The following ZNF8 variants were observed in gnomAD, a reference collection of about 807,000 sequenced individuals.
The protein encoded by ZNF8 is zinc finger protein 8.
Under a neutral mutation model 12.2 loss-of-function variants are expected in ZNF8, and 9 were observed. The observed-to-expected ratio is 0.73, with a 90% CI of 0.44 to 1.28. The LOEUF (loss-of-function observed/expected upper bound fraction) is 1.28. ZNF8 is among the 50% of genes most tolerant of loss of function. ZNF8 has a pLI of 0.00. For missense variants in ZNF8, 664 were observed against 729.1 expected, an observed-to-expected ratio of 0.91 and a Z score of 1.03; for synonymous variants, 274 against 282.3, an observed-to-expected ratio of 0.97 and a Z score of 0.30.
chr19:58,294,717 T>C lies in ZNF8; in HGVS notation c.909T>C (p.His303=), dbSNP rs260471. ...GCCAGAACTCCTCCCTCGTCCAGCATGAGCGCATCCACACTGGAGACAAGC... is the reference window on the plus strand; with the variant it reads ...GCCAGAACTCCTCCCTCGTCCAGCACGAGCGCATCCACACTGGAGACAAGC... The part of the protein sequence containing the change: ...AFSQNSSLVQ[H]ERIHTGDKPY... Residue 303 remains histidine (H), a synonymous_variant, in exon 4 of 4, where the codon CAT becomes CAC. Coordinates refer to ENST00000621650, the MANE Select transcript of ZNF8 (RefSeq NM_021089.3). The surrounding 1 kb of genome is among the most constrained non-coding windows in gnomAD (Gnocchi z 5.5). 467,970 of 1,613,836 alleles carry C rather than the reference T, an allele frequency of 0.29. 70,666 individuals are homozygous for C. The highest frequency in any genetic ancestry group is 0.49 in the East Asian group (21,815 of 44,854).
rs1203323724 is a variant in ZNF8 at position 58,294,328 on chromosome 19, A to C, written c.520A>C (p.Lys174Gln). 4 of 1,614,086 alleles carry C rather than the reference A, an allele frequency of 2.5e-6. No homozygotes were observed. The highest frequency in any genetic ancestry group is 3.4e-6 in the Non-Finnish European group (4 of 1,180,052). Residue 174 changes from lysine (K) to glutamine (Q), a missense_variant, in exon 4 of 4, where the codon AAA becomes CAA. This residue lies in a region of ZNF8 where 306 missense variants were observed against 308.7 expected (regional missense o/e 0.99). Transcript: ENST00000621650. The surrounding 1 kb of genome is among the most constrained non-coding windows in gnomAD (Gnocchi z 5.5). ...AGCACCAGTTCAAGATCAAGGCTAC[A>C]AAACTCTCAGACTCAGGGAAAACTG... Reference protein sequence around the residue: ...KEAPVQDQGYKTLRLRENCVL... With the variant: ...KEAPVQDQGYQTLRLRENCVL...
intron 1 of ZNF8, among the ~76,000 whole-genome samples, chr19:58,283,891 T>C (rs1186682267): frequency 7.5e-6 from 1 of 134,040 alleles, no homozygotes; most frequent in Non-Finnish European, 1.8e-5. Flanking sequence ...GAGCCACCGC[T>C]CCCAGCCCAC....
At position 58,294,131 on chromosome 19, in the gene ZNF8, G is replaced by T. The variant is rs777594663; in HGVS notation, c.323G>T (p.Arg108Leu). Residue 108 changes from arginine to leucine, a missense_variant, in exon 4 of 4, where the codon CGC becomes CTC. By Grantham distance (102) the Arg-to-Leu change is moderately radical. Coordinates refer to ENST00000621650, the MANE Select transcript of ZNF8 (RefSeq NM_021089.3). The surrounding 1 kb of genome is among the most constrained non-coding windows in gnomAD (Gnocchi z 5.5). ...CCTCGATCTGAAAGCCAAGCATCACGCAAGGAAGAGGGCCTGCCTGAAGAG... is the reference window on the plus strand; with the variant it reads ...CCTCGATCTGAAAGCCAAGCATCACTCAAGGAAGAGGGCCTGCCTGAAGAG... ...WEPRSESQASRKEEGLPEEEP... is the reference protein window; with the variant it reads ...WEPRSESQASLKEEGLPEEEP... The T allele has an allele frequency of 1.9e-6, 3 of 1,606,232 alleles. No individual in the cohort carries two copies. The highest frequency in any genetic ancestry group is 2.7e-5 in the African/African-American group (2 of 74,736).
intron 1 of ZNF8, among the ~76,000 whole-genome samples, chr19:58,284,799 A>T (rs1361984906): frequency 6.6e-6 from 1 of 152,204 alleles, no homozygotes; most frequent in African/African-American, 2.4e-5. Flanking sequence ...CAGTAAGTGG[A>T]GGTGGCACCA....
At chr19:58,290,356 C>T (rs966594648) in intron 3 of ZNF8, among the ~76,000 whole-genome samples, 14 of 151,426 alleles carry the variant, frequency 9.2e-5, no homozygotes, top group South Asian at 6.3e-4. Flanking sequence ...CCTCGTGATC[C>T]GCCCGCCTTG....
intron 3 of ZNF8, among the ~76,000 whole-genome samples, chr19:58,292,451 C>T (rs2051425512): frequency 6.6e-6 from 1 of 152,150 alleles, no homozygotes; most frequent in African/African-American, 2.4e-5. Flanking sequence ...TCACTAATCT[C>T]ATTCTTAAAG....
intron 3 of ZNF8, among the ~76,000 whole-genome samples, chr19:58,288,511 G>A (rs1429777532): frequency 2.6e-5 from 4 of 152,282 alleles, no homozygotes; most frequent in East Asian, 1.9e-4. Flanking sequence ...ACCTGCTGGG[G>A]TCTCTTTAGC....
intron 1 of ZNF8, chr19:58,280,416 G>GT (rs1227280659): frequency 3.3e-5 from 5 of 153,736 alleles, no homozygotes; most frequent in African/African-American, 1.2e-4. Flanking sequence ...GGTAGAAACT[G>GT]TAACACCTTC....
intron 3 of ZNF8, among the ~76,000 whole-genome samples, chr19:58,291,888 G>A (rs2051421590): frequency 6.6e-6 from 1 of 152,080 alleles, no homozygotes; most frequent in Admixed American, 6.5e-5. Context: ...GGAGTATGGG[G>A]GATGCATTAG....
At chr19:58,287,786 C>T (rs1348959581) in intron 3 of ZNF8, among the ~76,000 whole-genome samples, 4 of 150,572 alleles carry the variant, frequency 2.7e-5, no homozygotes, top group Non-Finnish European at 5.9e-5. Context: ...CCACCATGTC[C>T]AGCTGATTTT....
intron 3 of ZNF8, among the ~76,000 whole-genome samples, chr19:58,289,759 T>G (rs2051405650): frequency 6.6e-6 from 1 of 151,988 alleles, no homozygotes; most frequent in Admixed American, 6.6e-5. Context: ...ATGGACTCTT[T>G]GGTCAGATTT....
chr19:58,286,060 G>C (rs916257096), intron 2 of ZNF8, 50 bp from the exon 3 acceptor site: 1 of 1,580,786 alleles, frequency 6.3e-7, no homozygotes, highest in Non-Finnish European at 8.7e-7. Context: ...TGGGCTTGTT[G>C]TTTCTCTCCT....
rs1032152320 is a variant in ZNF8, at chr19:58,296,416, A to C, written c.*880A>C. The C allele has an allele frequency of 1.3e-5, 2 of 152,036 alleles. No individual in the cohort carries two copies. The highest frequency in any genetic ancestry group is 2.9e-5 in the Non-Finnish European group (2 of 68,034). 9.4% of individuals were successfully genotyped at this position (152,036 alleles called of 1,614,324 possible). A position where few individuals can be genotyped will look rare whatever the true frequency, so the allele number is the denominator to read the frequency against. ...AGTTCTTTTTTTTGTTTTTTGTCTG[A>C]GATGGAGTCTCGCTCCGTCACCCAG... On this transcript the variant is annotated 3_prime_UTR_variant, in exon 4 of 4. Transcript: ENST00000621650.
intron 3 of ZNF8, among the ~76,000 whole-genome samples, chr19:58,292,772 C>T (rs1210801458): frequency 6.6e-6 from 1 of 152,186 alleles, no homozygotes; most frequent in East Asian, 1.9e-4. Context: ...TTTGTGGCTG[C>T]ATAATATCCC....
At position 58,299,155 on chromosome 19, in the gene ZNF8, C is replaced by T. The variant is rs1321044382; in HGVS notation, c.*3619C>T. On this transcript the variant is annotated 3_prime_UTR_variant, in exon 4 of 4. Coordinates refer to ENST00000621650, the MANE Select transcript of ZNF8 (RefSeq NM_021089.3). ...TGAGACAGAGTCTCGCTGTGTCACC[C>T]AGGCTGGAGTGCAGTGGTGCGATCT... 2 of 151,326 alleles carry T rather than the reference C, an allele frequency of 1.3e-5. No individual in the cohort carries two copies. Among genetic ancestry groups the T allele is most frequent in the Non-Finnish European group, 2.9e-5 (2 of 67,970 alleles). 9.4% of individuals were successfully genotyped at this position (151,326 alleles called of 1,614,324 possible).
intron 1 of ZNF8, among the ~76,000 whole-genome samples, chr19:58,282,436 CTT>C (rs2051356285): frequency 6.6e-6 from 1 of 152,058 alleles, no homozygotes. Flanking sequence ...TGTGAGTTGT[CTT>C]TTCACTTTCT....
At chr19:58,285,423 G>T (rs1453958633) in intron 1 of ZNF8, among the ~76,000 whole-genome samples, 1 of 152,146 alleles carries the variant, frequency 6.6e-6, no homozygotes, top group Non-Finnish European at 1.5e-5. Context: ...TCACAAACCT[G>T]CAAATAAGTG....
intron 1 of ZNF8, among the ~76,000 whole-genome samples, chr19:58,281,427 C>T (rs2051349910): frequency 6.6e-6 from 1 of 152,180 alleles, no homozygotes; most frequent in African/African-American, 2.4e-5. Flanking sequence ...GAAAGAACAT[C>T]ATGAGACAAC....
intron 3 of ZNF8, among the ~76,000 whole-genome samples, chr19:58,288,892 C>T (rs992633261): frequency 2.0e-5 from 3 of 152,124 alleles, no homozygotes; most frequent in South Asian, 4.1e-4. Flanking sequence ...ACATGTATGT[C>T]GGAAGCAAAT....
Sources: gnomAD v4.1 joint callset for allele counts (sites outside exome capture counted in the v4.1 genomes callset) on GRCh38, gnomAD v4.1.1 for gene constraint, gnomAD v4.1.1 regional missense constraint, Gnocchi (gnomAD v3.1) non-coding constraint, MANE v1.5 for transcripts, NCBI Gene and HGNC (gene_info 2026-07-23, HGNC 2026-07-21) for gene names.